The following ULK4 variants were observed in gnomAD, a reference collection of about 807,000 sequenced individuals.
The protein encoded by ULK4 is inactive serine/threonine-protein kinase ULK4.
Under a neutral mutation model 160.6 loss-of-function variants are expected in ULK4, and 133 were observed. The ratio of observed to expected loss-of-function variants is 0.83; its 90% CI spans 0.72 to 0.96. The LOEUF (loss-of-function observed/expected upper bound fraction) is 0.96. ULK4 is among the 40% of genes least tolerant of loss of function. The pLI is 0.00. For synonymous variants in ULK4, 534 were observed against 539.8 expected, an observed-to-expected ratio of 0.99 and a Z score of 0.15; for missense variants, 1,580 against 1,499.5, an observed-to-expected ratio of 1.05 and a Z score of -0.89.
chr3:41,440,634 G>A (rs2083143422), intron 34 of ULK4, among the ~76,000 whole-genome samples: 1 of 151,820 alleles, frequency 6.6e-6, no homozygotes, highest in African/African-American at 2.4e-5. Flanking sequence ...TACCATCTTT[G>A]GTTTCTGGTA....
intron 34 of ULK4, among the ~76,000 whole-genome samples, chr3:41,435,015 T>C (rs2083002380): frequency 6.6e-6 from 1 of 152,236 alleles, no homozygotes; most frequent in Non-Finnish European, 1.5e-5. Flanking sequence ...TTCATTTACA[T>C]GAAATGTGAG....
chr3:41,312,935 G>C (rs145412015), intron 35 of ULK4, among the ~76,000 whole-genome samples: 1 of 152,086 alleles, frequency 6.6e-6, no homozygotes, highest in African/African-American at 2.4e-5. Flanking sequence ...GAAAAGTAAT[G>C]AGCTCATCAT....
At chr3:41,941,048 T>C (rs1005197172) in intron 2 of ULK4, among the ~76,000 whole-genome samples, 2 of 151,938 alleles carry the variant, frequency 1.3e-5, no homozygotes, top group African/African-American at 4.8e-5. Flanking sequence ...TTTTTTTTTT[T>C]TTTTGAAACA....
intron 17 of ULK4, among the ~76,000 whole-genome samples, chr3:41,843,748 C>T (rs1013387530): frequency 2.5e-4 from 38 of 152,206 alleles, no homozygotes; most frequent in African/African-American, 8.2e-4. Context: ...GAAGGGGACC[C>T]GAGTGGGTTG....
intron 17 of ULK4, among the ~76,000 whole-genome samples, chr3:41,837,781 G>A (rs935345220): frequency 9.2e-5 from 14 of 152,010 alleles, no homozygotes; most frequent in African/African-American, 2.2e-4. Context: ...GGGTAGTTTC[G>A]AACTCCTGAC....
intron 32 of ULK4, among the ~76,000 whole-genome samples, chr3:41,476,280 G>C (rs913639812): frequency 6.6e-6 from 1 of 152,174 alleles, no homozygotes; most frequent in Admixed American, 6.5e-5. Flanking sequence ...ATTTTACTAA[G>C]TGAAGAAATA....
intron 32 of ULK4, among the ~76,000 whole-genome samples, chr3:41,535,607 C>T (rs1454209351): frequency 6.6e-6 from 1 of 152,246 alleles, no homozygotes; most frequent in Admixed American, 6.5e-5. Context: ...TTCATTCAGA[C>T]CACATATACT....
intron 29 of ULK4, among the ~76,000 whole-genome samples, chr3:41,678,636 A>G (rs1309245842): frequency 6.6e-6 from 1 of 152,230 alleles, no homozygotes; most frequent in Non-Finnish European, 1.5e-5. Flanking sequence ...ACTATTTTAT[A>G]AGTTAATTTG....
chr3:41,961,550 A>ACCCCTCCCCCCCCCCCCCC (rs57463009), intron 1 of ULK4, among the ~76,000 whole-genome samples: 4 of 124,682 alleles, frequency 3.2e-5, no homozygotes, highest in Admixed American at 1.5e-4. Context: ...GTAGTCACTC[A>ACCCCTCCCCCCCCCCCCCC]CCCCCCCCCC....
intron 21 of ULK4, among the ~76,000 whole-genome samples, chr3:41,781,418 A>T (rs2039838166): frequency 1.0e-5 from 1 of 96,638 alleles, no homozygotes; most frequent in Admixed American, 9.3e-5. Flanking sequence ...CTCCATCTTA[A>T]AAAAAAAAAA....
At chr3:41,919,945 T>A in intron 5 of ULK4, 127 bp from the exon 6 acceptor site, 1 of 525,204 alleles carries the variant, frequency 1.9e-6, no homozygotes, top group South Asian at 3.9e-5. Context: ...TAAAACTTCA[T>A]GTGCATTTCA....
intron 17 of ULK4, among the ~76,000 whole-genome samples, chr3:41,856,586 TACAC>T (rs1321382380): frequency 3.3e-4 from 27 of 81,614 alleles, no homozygotes; most frequent in African/African-American, 1.3e-3. Flanking sequence ...TGTATATATA[TACAC>T]ATATATATAT....
chr3:41,312,464 A>T (rs574995587), intron 35 of ULK4, among the ~76,000 whole-genome samples: 6 of 152,318 alleles, frequency 3.9e-5, no homozygotes, highest in African/African-American at 1.4e-4. Context: ...AATTGAAAGA[A>T]AAAAATGAGA....
chr3:41,681,908 G>GA, intron 27 of ULK4, 104 bp from the exon 28 acceptor site: 1 of 1,230,262 alleles, frequency 8.1e-7, no homozygotes, highest in East Asian at 2.4e-5. Context: ...TCAAAGGAGT[G>GA]AAAAAAAGCA....
chr3:41,463,484 T>C (rs2083745674), intron 32 of ULK4, among the ~76,000 whole-genome samples: 1 of 152,184 alleles, frequency 6.6e-6, no homozygotes, highest in African/African-American at 2.4e-5. Context: ...CAAGTGATTT[T>C]GATGCAAAGG....
chr3:41,528,569 G>C (rs1351888726), intron 32 of ULK4, among the ~76,000 whole-genome samples: 4 of 152,182 alleles, frequency 2.6e-5, no homozygotes, highest in Admixed American at 2.6e-4. Flanking sequence ...TAAATGAAAA[G>C]TACTGGCTTT....
At chr3:41,474,495 C>A (rs750626919) in intron 32 of ULK4, among the ~76,000 whole-genome samples, 1 of 151,452 alleles carries the variant, frequency 6.6e-6, no homozygotes, top group African/African-American at 2.4e-5. Context: ...GCAACAAAAG[C>A]AAAAACAGAC....
intron 30 of ULK4, among the ~76,000 whole-genome samples, chr3:41,657,384 C>T (rs905132287): frequency 1.3e-5 from 2 of 152,104 alleles, no homozygotes; most frequent in Non-Finnish European, 2.9e-5. Flanking sequence ...AATTAAAACG[C>T]ATATCCTTCA....
chr3:41,364,828 C>CT (rs961257653), intron 35 of ULK4, among the ~76,000 whole-genome samples: 1 of 152,232 alleles, frequency 6.6e-6, no homozygotes, highest in South Asian at 2.1e-4. Flanking sequence ...AGATACAAAT[C>CT]TTTTTTACGG....
Sources: allele counts gnomAD v4.1 joint callset (sites outside exome capture counted in the v4.1 genomes callset), GRCh38; gene constraint gnomAD v4.1.1; transcripts MANE v1.5; gene names NCBI Gene and HGNC (gene_info 2026-07-23, HGNC 2026-07-21).